DNAJC1: variants seen among roughly 807,000 people sequenced by gnomAD.
The protein encoded by DNAJC1 is dnaJ homolog subfamily C member 1.
In DNAJC1, 58 loss-of-function variants were observed where a neutral mutation model predicts 76.6. The observed-to-expected ratio is 0.76, with a 90% CI of 0.61 to 0.94. The LOEUF is 0.94. Among genes scored for constraint, DNAJC1 ranks in the 40% least tolerant of loss-of-function variants. The probability of loss-of-function intolerance (pLI) is 0.00; values close to 1 mark genes in which losing one functional copy is unlikely to be tolerated. For missense variants in DNAJC1, 689 were observed against 677.3 expected (o/e 1.02, Z -0.19); for synonymous variants, 258 against 267.9 (o/e 0.96, Z 0.36).
At chr10:21,983,786 G>C (rs1451706657) in intron 1 of DNAJC1, among the ~76,000 whole-genome samples, 1 of 151,832 alleles carries the variant, frequency 6.6e-6, no homozygotes, top group African/African-American at 2.4e-5. Flanking sequence ...GGAAAGAACG[G>C]TAAGTTGTTT....
At chr10:21,915,617 A>G (rs1836939649) in intron 6 of DNAJC1, among the ~76,000 whole-genome samples, 1 of 152,214 alleles carries the variant, frequency 6.6e-6, no homozygotes, top group South Asian at 2.1e-4. Flanking sequence ...TAACTAATTT[A>G]CTGTATACTT....
chr10:21,933,747 GAATAC>G (rs1459831899), intron 1 of DNAJC1, among the ~76,000 whole-genome samples: 2 of 152,124 alleles, frequency 1.3e-5, no homozygotes, highest in Non-Finnish European at 2.9e-5. Context: ...GGTCCCATAA[GAATAC>G]AATACAATGG....
At chr10:21,922,963 G>A (rs1333528624) in intron 3 of DNAJC1, among the ~76,000 whole-genome samples, 1 of 151,944 alleles carries the variant, frequency 6.6e-6, no homozygotes, top group African/African-American at 2.4e-5. Context: ...AACTATAGCA[G>A]AAGAGAAAAC....
chr10:21,821,912 C>T (rs550554493), intron 8 of DNAJC1, among the ~76,000 whole-genome samples: 22 of 151,674 alleles, frequency 1.5e-4, no homozygotes, highest in South Asian at 4.2e-4. Context: ...GACATATCAC[C>T]GGTAAATGGT....
intron 8 of DNAJC1, among the ~76,000 whole-genome samples, chr10:21,864,284 AT>A (rs972102490): frequency 2.1e-4 from 32 of 152,160 alleles, no homozygotes; most frequent in Admixed American, 1.3e-4. Flanking sequence ...TGCAAAAAAG[AT>A]AACTTTAAAT....
At chr10:21,905,993 G>A (rs1465085356) in intron 6 of DNAJC1, among the ~76,000 whole-genome samples, 1 of 152,082 alleles carries the variant, frequency 6.6e-6, no homozygotes, top group East Asian at 1.9e-4. Context: ...TTAAACCCTA[G>A]AAACTCTTTT....
At chr10:21,967,530 C>T (rs1051956454) in intron 1 of DNAJC1, among the ~76,000 whole-genome samples, 1 of 152,174 alleles carries the variant, frequency 6.6e-6, no homozygotes, top group African/African-American at 2.4e-5. Context: ...TATTTCAATT[C>T]CCTTTTTCAT....
At chr10:21,948,248 G>A (rs932041202) in intron 1 of DNAJC1, among the ~76,000 whole-genome samples, 4 of 151,892 alleles carry the variant, frequency 2.6e-5, no homozygotes, top group African/African-American at 2.4e-5. Flanking sequence ...GAGCCACCAC[G>A]CCTGGCCCAA....
intron 7 of DNAJC1, among the ~76,000 whole-genome samples, chr10:21,901,545 T>A (rs896099210): frequency 6.6e-6 from 1 of 152,148 alleles, no homozygotes; most frequent in African/African-American, 2.4e-5. Context: ...CCCAAATATA[T>A]ATCAACAATT....
Position 21,908,289 on chromosome 10 carries a change from A to T in DNAJC1, c.730-3677T>A, listed in dbSNP as rs1403596625. On this transcript the variant is annotated intron_variant, in intron 6 of 11. Transcript: ENST00000376980. Reference sequence around the variant, plus strand: ...TATATTTTATATATATATATATATAAGAATTTCCTAATAATTAAAATTACC... The same window carrying T: ...TATATTTTATATATATATATATATATGAATTTCCTAATAATTAAAATTACC... 3.7e-4 allele frequency among the ~76,000 whole-genome samples: 45 copies of T among 122,542 alleles called. 1 individual carries two copies. Among genetic ancestry groups the T allele is most frequent in the Non-Finnish European group, 1.6e-4 (10 of 61,116 alleles). The allele number at this position is 122,542 out of a possible 152,430, so 80.4% of individuals were successfully genotyped here.
intron 9 of DNAJC1, among the ~76,000 whole-genome samples, chr10:21,786,215 G>C (rs969174852): frequency 6.6e-6 from 1 of 151,808 alleles, no homozygotes; most frequent in African/African-American, 2.4e-5. Flanking sequence ...AGATCTCCAA[G>C]AGGCAGAGAG....
intron 1 of DNAJC1, among the ~76,000 whole-genome samples, chr10:21,990,529 T>C (rs897575701): frequency 6.6e-6 from 1 of 152,214 alleles, no homozygotes; most frequent in Non-Finnish European, 1.5e-5. Flanking sequence ...ATAAGAATTA[T>C]GATTTGGGCT....
chr10:21,882,822 CT>C (rs1836303496), intron 7 of DNAJC1, among the ~76,000 whole-genome samples: 2 of 152,078 alleles, frequency 1.3e-5, no homozygotes, highest in Non-Finnish European at 2.9e-5. Flanking sequence ...TATCAACTTT[CT>C]CATCTATAAA....
At chr10:21,813,446 A>T (rs1465488015) in intron 8 of DNAJC1, among the ~76,000 whole-genome samples, 1 of 147,104 alleles carries the variant, frequency 6.8e-6, no homozygotes, top group Admixed American at 6.8e-5. Context: ...TGGAGTGTGG[A>T]GTGCAGTAGC....
intron 9 of DNAJC1, among the ~76,000 whole-genome samples, chr10:21,779,076 G>C (rs1158743982): frequency 2.0e-5 from 3 of 152,242 alleles, no homozygotes; most frequent in African/African-American, 7.2e-5. Flanking sequence ...TGAGGCTTGA[G>C]TAGGTAAACA....
chr10:21,808,688 C>A (rs910873608), intron 8 of DNAJC1, among the ~76,000 whole-genome samples: 5 of 152,176 alleles, frequency 3.3e-5, no homozygotes, highest in African/African-American at 1.2e-4. Flanking sequence ...ATGAGGGTGG[C>A]CATGGTGTGA....
intron 1 of DNAJC1, among the ~76,000 whole-genome samples, chr10:21,970,978 T>C (rs1387015958): frequency 6.6e-6 from 1 of 151,992 alleles, no homozygotes; most frequent in East Asian, 1.9e-4. Context: ...ATCTGATATA[T>C]GTATACACTA....
At chr10:21,979,680 C>G (rs1838120953) in intron 1 of DNAJC1, among the ~76,000 whole-genome samples, 1 of 151,020 alleles carries the variant, frequency 6.6e-6, no homozygotes, top group Non-Finnish European at 1.5e-5. Flanking sequence ...GACAGAATAC[C>G]TGTAAAGGAG....
At chr10:21,788,887 T>A (rs1052285293) in intron 9 of DNAJC1, among the ~76,000 whole-genome samples, 8 of 152,072 alleles carry the variant, frequency 5.3e-5, no homozygotes, top group African/African-American at 1.9e-4. Context: ...CTCCTGGACA[T>A]GAGCTGCTAG....
Sources: allele counts gnomAD v4.1 joint callset (sites outside exome capture counted in the v4.1 genomes callset), GRCh38; gene constraint gnomAD v4.1.1; transcripts MANE v1.5; gene names NCBI Gene and HGNC (gene_info 2026-07-23, HGNC 2026-07-21).